Variants in PLCB1 observed in about 807,000 individuals in gnomAD.
The protein encoded by PLCB1 is 1-phosphatidylinositol 4,5-bisphosphate phosphodiesterase beta-1.
In PLCB1, 46 loss-of-function variants were observed where a neutral mutation model predicts 161.8. The observed-to-expected ratio is 0.28, with a 90% CI of 0.22 to 0.36. The LOEUF is 0.36. PLCB1 is among the 10% of genes least tolerant of loss of function. PLCB1 has a pLI of 1.00. For missense variants in PLCB1, 1,016 were observed against 1,472.5 expected, an observed-to-expected ratio of 0.69 and a Z score of 5.07; for synonymous variants, 517 against 503.7, an observed-to-expected ratio of 1.03 and a Z score of -0.35.
intron 2 of PLCB1, among the ~76,000 whole-genome samples, chr20:8,324,651 G>A (rs1184262770): frequency 6.6e-6 from 1 of 152,174 alleles, no homozygotes; most frequent in Non-Finnish European, 1.5e-5. Flanking sequence ...TTGATTTATA[G>A]TTGAAAGAGA....
rs527700691 is a variant in PLCB1 at position 8,810,440 on chromosome 20, G to C, written c.3423+20179G>C. On this transcript the variant is annotated intron_variant, in intron 31 of 31. Coordinates refer to ENST00000338037, the MANE Select transcript of PLCB1 (RefSeq NM_015192.4). ...GGAGGCTGGTATGAGGGAGAGTATA[G>C]AAGAAGGAATTCAAGCAGAAAAGGT... Among the ~76,000 whole-genome samples, 78 of 152,202 alleles carry C rather than the reference G, an allele frequency of 5.1e-4. No individual in the cohort carries two copies. In the South Asian group the frequency reaches 7.3e-3, roughly 14 times the overall value.
chr20:8,744,866 T>A (rs1384198440), intron 23 of PLCB1, among the ~76,000 whole-genome samples: 1 of 152,024 alleles, frequency 6.6e-6, no homozygotes, highest in Non-Finnish European at 1.5e-5. Context: ...TGATGTCCTT[T>A]GGAAACCTTA....
At chr20:8,496,455 G>A (rs922982983) in intron 3 of PLCB1, among the ~76,000 whole-genome samples, 4 of 152,348 alleles carry the variant, frequency 2.6e-5, no homozygotes, top group African/African-American at 9.6e-5. Context: ...ATTAAGCAGT[G>A]ATCGCGCCAC....
intron 11 of PLCB1, among the ~76,000 whole-genome samples, chr20:8,702,450 TATTAA>T (rs1257880868): frequency 1.3e-5 from 2 of 152,178 alleles, no homozygotes; most frequent in Non-Finnish European, 2.9e-5. Flanking sequence ...GAGGAAAACA[TATTAA>T]ATTAGAGTAG....
chr20:8,509,772 AGAT>A (rs1027139525), intron 3 of PLCB1, among the ~76,000 whole-genome samples: 7 of 150,256 alleles, frequency 4.7e-5, no homozygotes, highest in African/African-American at 1.7e-4. Flanking sequence ...ATAGATAGAT[AGAT>A]AGATAGATAG....
rs183401021 is a variant in PLCB1, at chr20:8,402,661, C to T, written c.246+31211C>T. On this transcript the variant is annotated intron_variant, in intron 3 of 31. Transcript: ENST00000338037. ...CAGCCTGGCTAACATGGTGAAATCCCGTCCCTACTAAAAATACAAAAAAAA... is the reference window on the plus strand; with the variant it reads ...CAGCCTGGCTAACATGGTGAAATCCTGTCCCTACTAAAAATACAAAAAAAA... Among the ~76,000 whole-genome samples, 229 of 149,200 alleles carry T rather than the reference C, an allele frequency of 1.5e-3. 1 individual carries two copies. Among genetic ancestry groups the T allele is most frequent in the Middle Eastern group, 6.8e-3 (2 of 292 alleles).
chr20:8,306,046 T>G (rs1260264445), intron 2 of PLCB1: 2 of 152,204 alleles, frequency 1.3e-5, no homozygotes, highest in African/African-American at 4.8e-5. Flanking sequence ...CTTGTTCTCT[T>G]ACATCTGCCT....
intron 3 of PLCB1, among the ~76,000 whole-genome samples, chr20:8,578,323 G>T (rs1278339479): frequency 6.6e-6 from 1 of 152,174 alleles, no homozygotes; most frequent in Non-Finnish European, 1.5e-5. Flanking sequence ...TTCAGTGTGT[G>T]AAGGTTGTAA....
At chr20:8,573,495 T>C (rs185283084) in intron 3 of PLCB1, among the ~76,000 whole-genome samples, 1 of 152,364 alleles carries the variant, frequency 6.6e-6, no homozygotes, top group Admixed American at 6.5e-5. Flanking sequence ...TATTGTAAAC[T>C]ATATATTCAT....
At chr20:8,287,374 T>G (rs1983169560) in intron 2 of PLCB1, among the ~76,000 whole-genome samples, 1 of 152,158 alleles carries the variant, frequency 6.6e-6, no homozygotes, top group South Asian at 2.1e-4. Flanking sequence ...AATTTGTGAT[T>G]AGAATAAAGA....
intron 3 of PLCB1, among the ~76,000 whole-genome samples, chr20:8,491,611 G>A (rs926885283): frequency 6.6e-6 from 1 of 152,098 alleles, no homozygotes; most frequent in African/African-American, 2.4e-5. Flanking sequence ...TCAACCTTGG[G>A]AAGTCAGTAC....
chr20:8,675,131 C>T (rs189445678), intron 9 of PLCB1, among the ~76,000 whole-genome samples: 21 of 152,140 alleles, frequency 1.4e-4, no homozygotes, highest in East Asian at 5.8e-4. Context: ...ACCACCATGA[C>T]GGGAGTTGGA....
At chr20:8,189,402 C>T (rs2051941823) in intron 2 of PLCB1, among the ~76,000 whole-genome samples, 1 of 150,804 alleles carries the variant, frequency 6.6e-6, no homozygotes, top group Non-Finnish European at 1.5e-5. Flanking sequence ...TAAAATATGG[C>T]CTAAATGAAC....
intron 2 of PLCB1, among the ~76,000 whole-genome samples, chr20:8,243,080 T>TC (rs1235274795): frequency 6.6e-6 from 1 of 151,956 alleles, no homozygotes; most frequent in Non-Finnish European, 1.5e-5. Context: ...TCACTCAGCT[T>TC]CCAGGTGGCT....
intron 9 of PLCB1, among the ~76,000 whole-genome samples, chr20:8,675,570 G>A (rs531719657): frequency 5.3e-5 from 8 of 152,278 alleles, no homozygotes; most frequent in East Asian, 3.9e-4. Flanking sequence ...GATAAGGAAC[G>A]TAAGATCTGA....
chr20:8,553,185 G>T (rs1985830606), intron 3 of PLCB1, among the ~76,000 whole-genome samples: 1 of 152,152 alleles, frequency 6.6e-6, no homozygotes, highest in South Asian at 2.1e-4. Flanking sequence ...AGTTTCTCAT[G>T]ACACAATAAT....
intron 2 of PLCB1, among the ~76,000 whole-genome samples, chr20:8,363,220 A>G (rs1344337645): frequency 2.0e-5 from 3 of 152,192 alleles, no homozygotes; most frequent in African/African-American, 7.2e-5. Context: ...ATGGCTTAAA[A>G]CAACAAACAT....
chr20:8,151,370 A>G (rs1444809617), intron 2 of PLCB1, among the ~76,000 whole-genome samples: 3 of 152,154 alleles, frequency 2.0e-5, no homozygotes, highest in Non-Finnish European at 2.9e-5. Context: ...GGCAAGCTCA[A>G]TTATACCTGT....
intron 31 of PLCB1, among the ~76,000 whole-genome samples, chr20:8,795,491 G>A (rs774191143): frequency 6.6e-6 from 1 of 152,172 alleles, no homozygotes; most frequent in Non-Finnish European, 1.5e-5. Flanking sequence ...TCGACTGCAT[G>A]TTTTCTAGCA....
Sources: gnomAD v4.1 joint callset for allele counts (sites outside exome capture counted in the v4.1 genomes callset) on GRCh38, gnomAD v4.1.1 for gene constraint, MANE v1.5 for transcripts, NCBI Gene and HGNC (gene_info 2026-07-23, HGNC 2026-07-21) for gene names.